The following DRAM1 variants were observed in gnomAD, a reference collection of about 807,000 sequenced individuals.
The protein encoded by DRAM1 is DNA damage-regulated autophagy modulator protein 1.
DRAM1 carries 25 observed loss-of-function variants against 28.5 expected under a neutral mutation model. That is an observed-to-expected ratio of 0.88 (90% CI 0.64 to 1.23). The LOEUF (loss-of-function observed/expected upper bound fraction) is 1.23, where lower values mean the gene tolerates loss of function less well. Ranked by LOEUF, DRAM1 falls within the 50% of genes most tolerant of loss-of-function variation. The pLI, the probability that DRAM1 is intolerant of heterozygous loss-of-function variation, is 0.00. For missense variants in DRAM1, 249 were observed against 299.2 expected (o/e 0.83, Z 1.24); for synonymous variants, 113 against 114.2 (o/e 0.99, Z 0.07).
Position 101,914,214 on chromosome 12 carries a change from G to A in DRAM1, c.561G>A (p.Glu187=), listed in dbSNP as rs1425180109. 1 of 1,608,682 alleles carries A rather than the reference G, an allele frequency of 6.2e-7. No homozygotes were observed. Among genetic ancestry groups the A allele is most frequent in the Middle Eastern group, 1.7e-4 (1 of 6,052 alleles). The change falls in exon 5 of 7, where the codon GAG becomes GAA. Residue 187 remains glutamate (E), a synonymous_variant. Coordinates refer to ENST00000258534, the MANE Select transcript of DRAM1 (RefSeq NM_018370.3). ...CACTAATTTCCATAACCAAGCTGGA[G>A]TGGAATCCAAGAGAAAAGGTAACAT... ...CASLISITKL[E]WNPREKDYVY...
At chr12:101,921,091 C>T (rs1014752104) in intron 6 of DRAM1, 125 bp from the exon 7 acceptor site, 30 of 749,910 alleles carry the variant, frequency 4.0e-5, no homozygotes, top group Non-Finnish European at 7.1e-5. Flanking sequence ...TAGGACCTGA[C>T]TCAAGCATAG....
chr12:101,892,474 G>A (rs1025244585), intron 1 of DRAM1, among the ~76,000 whole-genome samples: 3 of 149,582 alleles, frequency 2.0e-5, no homozygotes, highest in South Asian at 2.1e-4. Context: ...GGCTGGTCTC[G>A]AGCCCCTAAC....
chr12:101,877,691 G>A lies in DRAM1; in HGVS notation c.-99G>A. On this transcript the variant is annotated 5_prime_UTR_variant, in exon 1 of 7. It adds an upstream start codon to the 5' untranslated region. Coordinates refer to ENST00000258534, the MANE Select transcript of DRAM1 (RefSeq NM_018370.3). The surrounding 1 kb of genome is among the most constrained non-coding windows in gnomAD (Gnocchi z 4.1). ...CGCGGAGCCTCCCCTCCCACCGTCC[G>A]TGAGTGTACGCGCCCGGCCGCCGCC... is the stretch of plus-strand genomic sequence containing the variant. 3.1e-6 allele frequency: 3 copies of A among 957,302 alleles called. No homozygotes were observed. The highest frequency in any genetic ancestry group is 4.1e-6 in the Non-Finnish European group (3 of 739,484). The allele number at this position is 957,302 out of a possible 1,614,324, so 59.3% of individuals were successfully genotyped here. A position where few individuals can be genotyped will look rare whatever the true frequency, so the allele number is the denominator to read the frequency against.
At position 101,890,807 on chromosome 12, in the gene DRAM1, A is replaced by G. The variant is rs768400725; in HGVS notation, c.132-7056A>G. On this transcript the variant is annotated intron_variant, in intron 1 of 6. Coordinates refer to ENST00000258534, the MANE Select transcript of DRAM1 (RefSeq NM_018370.3). ...GCTCTGTCACCCAGGCTGGAGTGCA[A>G]TGGCGTGATCTCAGCTCACTGCAAC... Among the ~76,000 whole-genome samples the G allele has an allele frequency of 7.4e-5, 11 of 148,064 alleles. No homozygotes were observed. The East Asian group carries it at 7.9e-4, about 11-fold the overall frequency.
At chr12:101,884,864 A>G (rs75759428) in intron 1 of DRAM1, among the ~76,000 whole-genome samples, 5,808 of 152,300 alleles carry the variant, frequency 0.038, 366 homozygotes, top group African/African-American at 0.13. Context: ...CATTTATGTA[A>G]CAATCACAAA....
intron 1 of DRAM1, among the ~76,000 whole-genome samples, chr12:101,895,845 C>T (rs1342261485): frequency 1.3e-5 from 2 of 151,904 alleles, no homozygotes; most frequent in African/African-American, 2.4e-5. Context: ...GCTGGGATTA[C>T]AGGTGTGAAC....
chr12:101,897,599 C>T (rs7137913), intron 1 of DRAM1, among the ~76,000 whole-genome samples: 88,718 of 151,464 alleles, frequency 0.59, 27,890 homozygotes, highest in African/African-American at 0.82. Flanking sequence ...TTAGTGGGTT[C>T]GATCATTTGA....
At chr12:101,882,266 T>G (rs1594289249) in intron 1 of DRAM1, among the ~76,000 whole-genome samples, 2 of 150,176 alleles carry the variant, frequency 1.3e-5, no homozygotes, top group African/African-American at 4.9e-5. Flanking sequence ...CCGCCACCCC[T>G]CCCGGCTAAT....
intron 1 of DRAM1, among the ~76,000 whole-genome samples, chr12:101,885,689 C>G (rs10745928): frequency 0.66 from 99,977 of 151,732 alleles, 34,621 homozygotes; most frequent in East Asian, 0.91. Flanking sequence ...ACCATGCCCA[C>G]CTAATTTTTT....
chr12:101,920,818 G>A (rs1290450508), intron 6 of DRAM1, among the ~76,000 whole-genome samples: 5 of 152,136 alleles, frequency 3.3e-5, no homozygotes, highest in Non-Finnish European at 5.9e-5. Context: ...GGCTGAGGCA[G>A]GAGAATCACT....
At chr12:101,878,371 T>C (rs2120989388) in intron 1 of DRAM1, among the ~76,000 whole-genome samples, 1 of 152,268 alleles carries the variant, frequency 6.6e-6, no homozygotes, top group East Asian at 1.9e-4. Context: ...AAGCGAGCGG[T>C]GGTGTAAAGT....
intron 1 of DRAM1, among the ~76,000 whole-genome samples, chr12:101,886,921 G>A (rs376282397): frequency 6.6e-6 from 1 of 152,120 alleles, no homozygotes; most frequent in African/African-American, 2.4e-5. Context: ...TGAGGTGGGC[G>A]GATCACTTGA....
chr12:101,911,965 G>A (rs1341482877), intron 4 of DRAM1, among the ~76,000 whole-genome samples: 3 of 152,122 alleles, frequency 2.0e-5, no homozygotes, highest in Non-Finnish European at 4.4e-5. Context: ...TTGGGAGGCC[G>A]AGGTGGGCAG....
At chr12:101,896,984 TC>T (rs1291052011) in intron 1 of DRAM1, among the ~76,000 whole-genome samples, 2 of 151,948 alleles carry the variant, frequency 1.3e-5, no homozygotes, top group African/African-American at 4.8e-5. Flanking sequence ...ATGAGGCTTC[TC>T]CATGTTGGTC....
intron 1 of DRAM1, among the ~76,000 whole-genome samples, chr12:101,894,021 A>G (rs1237813842): frequency 6.6e-6 from 1 of 151,210 alleles, no homozygotes; most frequent in African/African-American, 2.4e-5. Flanking sequence ...ACCTCTGCCT[A>G]CTGGGCTCAA....
At position 101,877,700 on chromosome 12, in the gene DRAM1, CG is replaced by C. The variant is rs1872534406; in HGVS notation, c.-89del. On this transcript the variant is annotated 5_prime_UTR_variant, in exon 1 of 7. Coordinates refer to ENST00000258534, the MANE Select transcript of DRAM1 (RefSeq NM_018370.3). This position sits in a 1 kb window ranked among gnomAD's most constrained non-coding sequence, Gnocchi z 4.1. ...TCCCCTCCCACCGTCCGTGAGTGTACGCGCCCGGCCGCCGCCTCCAGGCAGC... is the reference window on the plus strand; with the variant it reads ...TCCCCTCCCACCGTCCGTGAGTGTACCGCCCGGCCGCCGCCTCCAGGCAGC... 1 of 1,078,276 alleles carries C rather than the reference CG, an allele frequency of 9.3e-7. No homozygotes were observed. Among genetic ancestry groups the C allele is most frequent in the Admixed American group, 4.5e-5 (1 of 22,370 alleles). 66.8% of individuals were successfully genotyped at this position (1,078,276 alleles called of 1,614,324 possible).
intron 1 of DRAM1, among the ~76,000 whole-genome samples, chr12:101,882,612 G>A (rs1237124096): frequency 1.3e-5 from 2 of 151,202 alleles, no homozygotes; most frequent in African/African-American, 4.8e-5. Flanking sequence ...TTATGAATAG[G>A]AATAAATATT....
intron 4 of DRAM1, among the ~76,000 whole-genome samples, chr12:101,910,576 C>A (rs1348774985): frequency 6.6e-6 from 1 of 151,462 alleles, no homozygotes; most frequent in African/African-American, 2.4e-5. Context: ...CTCCCGGGTT[C>A]AAGCAATTCT....
At chr12:101,892,930 C>T (rs952566963) in intron 1 of DRAM1, among the ~76,000 whole-genome samples, 15 of 152,116 alleles carry the variant, frequency 9.9e-5, no homozygotes, top group Admixed American at 3.9e-4. Context: ...GGTGTTTAAT[C>T]AAACAACTGG....
Sources: allele counts gnomAD v4.1 joint callset (sites outside exome capture counted in the v4.1 genomes callset), GRCh38; gene constraint gnomAD v4.1.1; non-coding constraint Gnocchi (gnomAD v3.1); transcripts MANE v1.5; gene names NCBI Gene and HGNC (gene_info 2026-07-23, HGNC 2026-07-21).